The following IL18R1 variants were observed in gnomAD, a reference collection of about 807,000 sequenced individuals.
IL18R1 encodes interleukin-18 receptor 1.
A neutral mutation model predicts 48.5 loss-of-function variants in IL18R1; 40 were observed. The observed-to-expected ratio is 0.82, with a 90% CI of 0.64 to 1.07. IL18R1 has a LOEUF of 1.07. IL18R1 is among the 50% of genes least tolerant of loss of function. IL18R1 has a pLI of 0.00. For missense variants in IL18R1, 596 were observed against 633.7 expected, an observed-to-expected ratio of 0.94 and a Z score of 0.64; for synonymous variants, 232 against 225.9, an observed-to-expected ratio of 1.03 and a Z score of -0.24.
intron 3 of IL18R1, among the ~76,000 whole-genome samples, chr2:102,371,452 A>G (rs776435864): frequency 1.3e-5 from 2 of 152,176 alleles, no homozygotes; most frequent in Non-Finnish European, 2.9e-5. Flanking sequence ...GCAACTCCAG[A>G]CTTTGGTTTA....
intron 4 of IL18R1, among the ~76,000 whole-genome samples, chr2:102,372,915 T>C (rs1224427100): frequency 6.6e-6 from 1 of 152,234 alleles, no homozygotes; most frequent in Non-Finnish European, 1.5e-5. Flanking sequence ...GTAGAATTAC[T>C]GGATCAGAGG....
At position 102,396,645 on chromosome 2, in the gene IL18R1, A is replaced by C. The variant is rs772967750; in HGVS notation, c.1385A>C (p.Glu462Ala). The change falls in exon 11 of 11, where the codon GAA becomes GCA. Residue 462 changes from glutamate (E) to alanine (A), a missense_variant. By Grantham distance (107) the Glu-to-Ala change is moderately radical. Coordinates refer to ENST00000233957, the MANE Select transcript of IL18R1 (RefSeq NM_003855.5). ...VRYELESGLH[E>A]ALVERKIKII... ...TATGAACTTGAAAGTGGACTCCATG[A>C]AGCATTGGTGGAAAGAAAAATTAAA... 6.2e-7 allele frequency: 1 copy of C among 1,613,130 alleles called. No individual in the cohort carries two copies. The highest frequency in any genetic ancestry group is 8.5e-7 in the Non-Finnish European group (1 of 1,179,072).
At chr2:102,363,456 A>C (rs916725016) in intron 2 of IL18R1, among the ~76,000 whole-genome samples, 1 of 152,190 alleles carries the variant, frequency 6.6e-6, no homozygotes, top group African/African-American at 2.4e-5. Context: ...ACTTACGTGA[A>C]TCCATTTATT....
chr2:102,362,693 G>T lies in IL18R1; in HGVS notation c.33G>T (p.Trp11Cys). The T allele has an allele frequency of 1.2e-6, 2 of 1,604,056 alleles. No individual in the cohort carries two copies. Among genetic ancestry groups the T allele is most frequent in the Non-Finnish European group, 1.7e-6 (2 of 1,174,508 alleles). Residue 11 changes from tryptophan to cysteine, a missense_variant, in exon 2 of 11, where the codon TGG becomes TGT. Around this residue, in one of 3 missense-constraint regions of IL18R1, gnomAD observed 360 missense variants for 339.4 expected, o/e 1.06. Transcript: ENST00000233957. MNCRELPLTL[W>C]VLISVSTAES... The stretch of plus-strand genomic sequence containing the variant: ...GTAGAGAATTACCCTTGACCCTTTG[G>T]GTGCTTATATCTGTAAGCACTGCAG...
intron 6 of IL18R1, among the ~76,000 whole-genome samples, chr2:102,381,919 T>A (rs1420784974): frequency 6.6e-6 from 1 of 152,176 alleles, no homozygotes; most frequent in Non-Finnish European, 1.5e-5. Flanking sequence ...GTCTGTAGAC[T>A]AAGGTTTTTG....
Position 102,362,659 on chromosome 2 carries a change from C to T in IL18R1, c.-2C>T, listed in dbSNP as rs750332293. On this transcript the variant is annotated 5_prime_UTR_variant, in exon 2 of 11. Coordinates refer to ENST00000233957, the MANE Select transcript of IL18R1 (RefSeq NM_003855.5). ...GAAGCCATTTGAAGCAGAATCCAAA[C>T]CATGAATTGTAGAGAATTACCCTTG... 46 of 1,602,336 alleles carry T rather than the reference C, an allele frequency of 2.9e-5. No individual in the cohort carries two copies. The highest frequency in any genetic ancestry group is 2.7e-5 in the Non-Finnish European group (32 of 1,176,266).
intron 1 of IL18R1, 48 bp from the exon 2 acceptor site, chr2:102,362,585 A>T: frequency 7.7e-7 from 1 of 1,305,288 alleles, no homozygotes; most frequent in Non-Finnish European, 1.1e-6. Flanking sequence ...AGATAGGCAC[A>T]CTTTTGTTTG....
chr2:102,362,512 A>C, intron 1 of IL18R1, 121 bp from the exon 2 acceptor site: 1 of 557,274 alleles, frequency 1.8e-6, no homozygotes, highest in Non-Finnish European at 3.2e-6. Context: ...ATTAAGGATT[A>C]TAAAAATCTT....
At chr2:102,368,380 C>T (rs1158369703) in intron 3 of IL18R1, among the ~76,000 whole-genome samples, 1 of 152,146 alleles carries the variant, frequency 6.6e-6, no homozygotes, top group Non-Finnish European at 1.5e-5. Flanking sequence ...CTACATGCCC[C>T]CAGTCAAATG....
chr2:102,361,328 C>T (rs1678562145), intron 1 of IL18R1, among the ~76,000 whole-genome samples: 1 of 152,114 alleles, frequency 6.6e-6, no homozygotes, highest in South Asian at 2.1e-4. Context: ...TTTCTTTGGC[C>T]TTTACATTAT....
intron 2 of IL18R1, among the ~76,000 whole-genome samples, chr2:102,366,407 C>A (rs1393477209): frequency 6.6e-6 from 1 of 152,196 alleles, no homozygotes; most frequent in Non-Finnish European, 1.5e-5. Flanking sequence ...ACATTATCAG[C>A]ATTTTGGTTA....
At chr2:102,372,163 A>G (rs1364338043) in intron 4 of IL18R1, 45 bp downstream of exon 4, 2 of 1,472,662 alleles carry the variant, frequency 1.4e-6, no homozygotes, top group Non-Finnish European at 1.8e-6. Flanking sequence ...GATGGAAAAG[A>G]TAAAATTCCC....
At chr2:102,374,221 C>T (rs900280020) in intron 4 of IL18R1, among the ~76,000 whole-genome samples, 1 of 152,138 alleles carries the variant, frequency 6.6e-6, no homozygotes, top group Non-Finnish European at 1.5e-5. Context: ...AATAATATGA[C>T]TCTGTCGTGG....
chr2:102,392,832 A>G (rs1169534252), intron 9 of IL18R1, among the ~76,000 whole-genome samples: 1 of 152,158 alleles, frequency 6.6e-6, no homozygotes, highest in Non-Finnish European at 1.5e-5. Context: ...TTGAATATAG[A>G]GAATAAAAAC....
chr2:102,391,586 G>T (rs1366956759), intron 9 of IL18R1, among the ~76,000 whole-genome samples: 1 of 152,102 alleles, frequency 6.6e-6, no homozygotes, highest in Non-Finnish European at 1.5e-5. Context: ...TATGCAGTAG[G>T]TCTGAAAGAA....
intron 2 of IL18R1, among the ~76,000 whole-genome samples, chr2:102,364,276 A>T (rs11465574): frequency 6.6e-6 from 1 of 152,220 alleles, no homozygotes; most frequent in African/African-American, 2.4e-5. Context: ...AATAAACCAA[A>T]TCCCCAACAT....
At position 102,367,925 on chromosome 2, in the gene IL18R1, C is replaced by T. The variant is rs777908870; in HGVS notation, c.159C>T (p.Thr53=). Residue 53 remains threonine (T), a synonymous_variant, in exon 3 of 11, where the codon ACC becomes ACT. Transcript: ENST00000233957. Reference sequence around the variant, plus strand: ...TTGCACATGAGATTGAAACAACCACCAAAAGCTGGTACAAAAGCAGTGGAT... The same window carrying T: ...TTGCACATGAGATTGAAACAACCACTAAAAGCTGGTACAAAAGCAGTGGAT... ...CSLAHEIETT[T]KSWYKSSGSQ... is the part of the protein sequence containing the mutation. The T allele has an allele frequency of 6.2e-7, 1 of 1,614,180 alleles. No individual in the cohort carries two copies. Among genetic ancestry groups the T allele is most frequent in the Admixed American group, 1.7e-5 (1 of 60,028 alleles).
intron 6 of IL18R1, 111 bp downstream of exon 6, chr2:102,381,793 T>C: frequency 1.3e-6 from 1 of 742,262 alleles, no homozygotes; most frequent in South Asian, 1.6e-5. Flanking sequence ...ATTTCATATT[T>C]ACTGAATAAC....
intron 7 of IL18R1, 49 bp downstream of exon 7, chr2:102,385,047 T>C (rs1680151438): frequency 1.0e-5 from 10 of 967,534 alleles, no homozygotes; most frequent in East Asian, 2.9e-5. Flanking sequence ...ATAACAATCA[T>C]ATATATTATA....
Sources: allele counts gnomAD v4.1 joint callset (sites outside exome capture counted in the v4.1 genomes callset), GRCh38; gene constraint gnomAD v4.1.1; regional missense constraint gnomAD v4.1.1; transcripts MANE v1.5; gene names NCBI Gene and HGNC (gene_info 2026-07-23, HGNC 2026-07-21).